Variants in DMXL1 observed in about 807,000 individuals in gnomAD.
DMXL1 encodes Dmx like 1.
In DMXL1, 99 loss-of-function variants were observed where a neutral mutation model predicts 319.2. That is an observed-to-expected ratio of 0.31 (90% CI 0.26 to 0.37). The LOEUF (loss-of-function observed/expected upper bound fraction) is 0.37. DMXL1 is among the 10% of genes least tolerant of loss of function. DMXL1 has a pLI of 1.00. For missense variants in DMXL1, 3,745 were observed against 3,595.6 expected (o/e 1.04, Z -1.06); for synonymous variants, 1,385 against 1,235.2 (o/e 1.12, Z -2.54).
At chr5:119,205,909 G>C (rs1365892992) in intron 33 of DMXL1, among the ~76,000 whole-genome samples, 2 of 152,034 alleles carry the variant, frequency 1.3e-5, no homozygotes, top group East Asian at 3.8e-4. Context: ...TTTCCAGATG[G>C]TTAGGAGATA....
At chr5:119,095,130 C>G (rs977035373) in intron 1 of DMXL1, among the ~76,000 whole-genome samples, 2 of 152,194 alleles carry the variant, frequency 1.3e-5, no homozygotes, top group African/African-American at 4.8e-5. Flanking sequence ...TCTGGGATTA[C>G]AGATGTGAGC....
At chr5:119,075,724 T>TA (rs1189185176) in intron 1 of DMXL1, among the ~76,000 whole-genome samples, 21 of 146,474 alleles carry the variant, frequency 1.4e-4, no homozygotes, top group African/African-American at 5.2e-4. Context: ...CTGGTCTTTT[T>TA]TAAAAAAAAA....
chr5:119,174,265 G>A (rs923592389), intron 25 of DMXL1, among the ~76,000 whole-genome samples: 2 of 152,108 alleles, frequency 1.3e-5, no homozygotes, highest in Non-Finnish European at 2.9e-5. Context: ...AGTTTCAGGG[G>A]TTCAAGAGCA....
At chr5:119,165,063 TATAC>T (rs1462137337) in intron 20 of DMXL1, 116 bp from the exon 21 acceptor site, 4 of 641,576 alleles carry the variant, frequency 6.2e-6, no homozygotes, top group Non-Finnish European at 1.1e-5. Flanking sequence ...ATATTATTCA[TATAC>T]ATATTTTTAA....
intron 34 of DMXL1, among the ~76,000 whole-genome samples, chr5:119,216,427 TGCTTCTATATAGTCCATGA>T (rs923928046): frequency 3.3e-5 from 5 of 152,222 alleles, no homozygotes; most frequent in Non-Finnish European, 5.9e-5. Flanking sequence ...AAATCTCACC[TGCTTCTATATAGTCCATGA>T]GCTGAGAATT....
chr5:119,113,414 T>C (rs1393670874), intron 5 of DMXL1, among the ~76,000 whole-genome samples: 2 of 152,170 alleles, frequency 1.3e-5, no homozygotes, highest in African/African-American at 4.8e-5. Context: ...GCTAATTTTT[T>C]GTATTTTTAG....
chr5:119,125,678 C>T (rs1485940983), intron 9 of DMXL1, among the ~76,000 whole-genome samples: 1 of 152,052 alleles, frequency 6.6e-6, no homozygotes, highest in Non-Finnish European at 1.5e-5. Flanking sequence ...CATTCTCCTG[C>T]CTCTGCCTCC....
At chr5:119,188,213 T>C (rs1778088945) in intron 28 of DMXL1, among the ~76,000 whole-genome samples, 1 of 152,180 alleles carries the variant, frequency 6.6e-6, no homozygotes, top group Non-Finnish European at 1.5e-5. Flanking sequence ...AATTTAACAT[T>C]GTACGTGTTT....
At chr5:119,239,167 T>A in intron 41 of DMXL1, 87 bp downstream of exon 41, 1 of 1,361,126 alleles carries the variant, frequency 7.3e-7, no homozygotes, top group Middle Eastern at 1.9e-4. Flanking sequence ...GACTAAAGTT[T>A]ACTTATGGCT....
In DMXL1 at chr5:119,167,739, A is replaced by G. The variant is rs761623506; in HGVS notation, c.5273A>G (p.Glu1758Gly). 22 of 1,613,720 alleles carry G rather than the reference A, an allele frequency of 1.4e-5. No homozygotes were observed. The highest frequency in any genetic ancestry group is 1.9e-5 in the Non-Finnish European group (22 of 1,179,770). The change falls in exon 23 of 44, where the codon GAA (glutamate) becomes GGA (glycine). Residue 1758 changes from glutamate to glycine, a missense_variant. By Grantham distance (98) the Glu-to-Gly change is moderately conservative (BLOSUM62 -2). Coordinates refer to ENST00000539542, the MANE Select transcript of DMXL1 (RefSeq NM_001290321.3). ...TTGGGAATCGATTCTCCTGTCAGTG[A>G]ACTGTGTTCATTGAACATAAATATG... ...KVLGIDSPVSELCSLNINMHH... is the reference protein window; with the variant it reads ...KVLGIDSPVSGLCSLNINMHH...
In DMXL1 at chr5:119,071,256, C is replaced by A. The variant is rs1296131293; in HGVS notation, c.-314C>A. 8.3e-6 allele frequency: 3 copies of A among 363,412 alleles called. No individual in the cohort carries two copies. Among genetic ancestry groups the A allele is most frequent in the African/African-American group, 2.2e-5 (1 of 44,766 alleles). 22.5% of individuals were successfully genotyped at this position (363,412 alleles called of 1,614,324 possible). On this transcript the variant is annotated 5_prime_UTR_variant, in exon 1 of 44. Coordinates refer to ENST00000539542, the MANE Select transcript of DMXL1 (RefSeq NM_001290321.3). Reference sequence around the variant, plus strand: ...GTGTGGACAGCGCGGCCTTCCTGGCCGGTGAGTCGGCCCCGGGTCGTGGCC... The same window carrying A: ...GTGTGGACAGCGCGGCCTTCCTGGCAGGTGAGTCGGCCCCGGGTCGTGGCC...
In DMXL1 at chr5:119,164,683, GT is replaced by G. The variant is rs1385933433; in HGVS notation, c.4872+11del. 6.3e-7 allele frequency: 1 copy of G among 1,585,522 alleles called. No individual in the cohort carries two copies. The highest frequency in any genetic ancestry group is 1.7e-5 in the Admixed American group (1 of 58,412). On this transcript the variant is annotated splice_region_variant and intron_variant, in intron 20 of 43. Transcript: ENST00000539542. ...ACGCAAATGCATAGAAAAAGTAAGT[GT>G]TTTATTTTGGTGTATAAGTGAATTA...
chr5:119,169,595 G>A (rs1281899697), intron 23 of DMXL1, among the ~76,000 whole-genome samples: 1 of 152,078 alleles, frequency 6.6e-6, no homozygotes. Flanking sequence ...TGGGTCAAGG[G>A]CACACTAAAT....
intron 34 of DMXL1, among the ~76,000 whole-genome samples, chr5:119,210,757 G>GTTTTTTTTTTTTTTTTTTTGT (rs1782652639): frequency 1.1e-5 from 1 of 89,776 alleles, no homozygotes; most frequent in Non-Finnish European, 2.1e-5. Flanking sequence ...TTTTTCTTTC[G>GTTTTTTTTTTTTTTTTTTTGT]TTTTTTTTTT....
intron 24 of DMXL1, among the ~76,000 whole-genome samples, chr5:119,171,496 A>C (rs543276547): frequency 1.7e-4 from 22 of 130,688 alleles, no homozygotes; most frequent in Non-Finnish European, 3.0e-4. Flanking sequence ...TGCTTAATTC[A>C]CACTCCAAAG....
At chr5:119,231,321 C>A (rs913525127) in intron 38 of DMXL1, among the ~76,000 whole-genome samples, 2 of 152,272 alleles carry the variant, frequency 1.3e-5, no homozygotes, top group African/African-American at 4.8e-5. Context: ...TCCTTAAATT[C>A]AGATGAACCC....
chr5:119,183,659 A>G (rs971167684), intron 28 of DMXL1, among the ~76,000 whole-genome samples: 1 of 152,010 alleles, frequency 6.6e-6, no homozygotes, highest in Non-Finnish European at 1.5e-5. Flanking sequence ...TTTTTGGTAG[A>G]GACGGGCTAG....
intron 32 of DMXL1, among the ~76,000 whole-genome samples, chr5:119,200,490 A>G (rs149201653): frequency 1.3e-5 from 2 of 152,242 alleles, no homozygotes; most frequent in African/African-American, 4.8e-5. Context: ...TGTAGCATAC[A>G]TCGAAATCAG....
intron 39 of DMXL1, among the ~76,000 whole-genome samples, chr5:119,234,639 TGCCTGTA>T (rs1787394076): frequency 1.3e-5 from 2 of 152,158 alleles, no homozygotes; most frequent in African/African-American, 2.4e-5. Flanking sequence ...TTAGTACAGA[TGCCTGTA>T]TAATTCTATT....
Sources: allele counts gnomAD v4.1 joint callset (sites outside exome capture counted in the v4.1 genomes callset), GRCh38; gene constraint gnomAD v4.1.1; transcripts MANE v1.5; gene names NCBI Gene and HGNC (gene_info 2026-07-23, HGNC 2026-07-21).